The following TMTC2 variants were observed in gnomAD, a reference collection of about 807,000 sequenced individuals.
TMTC2 encodes the protein protein O-mannosyl-transferase TMTC2.
TMTC2 carries 43 observed loss-of-function variants against 82.4 expected under a neutral mutation model. The observed-to-expected ratio is 0.52, with a 90% confidence interval of 0.41 to 0.67. The LOEUF (loss-of-function observed/expected upper bound fraction) is 0.67, where lower values mean the gene tolerates loss of function less well. Among genes scored for constraint, TMTC2 ranks in the 30% least tolerant of loss-of-function variants. The pLI is 0.00. For synonymous variants in TMTC2, 408 were observed against 381.9 expected, an observed-to-expected ratio of 1.07 and a Z score of -0.80; for missense variants, 919 against 1,012.4, an observed-to-expected ratio of 0.91 and a Z score of 1.25.
chr12:82,848,209 A>T (rs1358771382), intron 1 of TMTC2, among the ~76,000 whole-genome samples: 1 of 152,100 alleles, frequency 6.6e-6, no homozygotes, highest in East Asian at 1.9e-4. Flanking sequence ...CTCAAGCTTC[A>T]TTCCATCCAT....
intron 4 of TMTC2, among the ~76,000 whole-genome samples, chr12:82,941,214 G>T (rs974150213): frequency 1.3e-5 from 2 of 152,086 alleles, no homozygotes; most frequent in Non-Finnish European, 2.9e-5. Flanking sequence ...ATCTCACTGT[G>T]TTGCCAGGCT....
intron 8 of TMTC2, among the ~76,000 whole-genome samples, chr12:82,997,340 G>GTATATATATATATA: frequency 6.7e-5 from 2 of 29,770 alleles, no homozygotes; most frequent in Admixed American, 4.8e-4. Context: ...GTGTGTGTGT[G>GTATATATATATATA]TGTGTGTGTA....
intron 2 of TMTC2, among the ~76,000 whole-genome samples, chr12:82,888,128 A>T (rs1334831606): frequency 6.6e-6 from 1 of 152,186 alleles, no homozygotes; most frequent in Non-Finnish European, 1.5e-5. Context: ...TTACACTTTC[A>T]TAAGGCAGAC....
intron 4 of TMTC2, among the ~76,000 whole-genome samples, chr12:82,954,713 A>G (rs1402551993): frequency 2.0e-5 from 3 of 152,178 alleles, no homozygotes; most frequent in Non-Finnish European, 4.4e-5. Flanking sequence ...CTCAGATTTC[A>G]ACCACTTTTT....
chr12:82,984,094 C>G (rs1010254154), intron 7 of TMTC2, among the ~76,000 whole-genome samples: 3 of 149,800 alleles, frequency 2.0e-5, no homozygotes, highest in Non-Finnish European at 4.4e-5. Flanking sequence ...TTAACAACTA[C>G]AAGCATTTTT....
chr12:82,793,860 A>G (rs1592526857), intron 1 of TMTC2, among the ~76,000 whole-genome samples: 1 of 152,296 alleles, frequency 6.6e-6, no homozygotes, highest in East Asian at 1.9e-4. Context: ...AGAGATATAT[A>G]ACCTCTGAAC....
At chr12:82,806,567 T>C (rs910335654) in intron 1 of TMTC2, among the ~76,000 whole-genome samples, 3 of 152,172 alleles carry the variant, frequency 2.0e-5, no homozygotes, top group African/African-American at 7.2e-5. Context: ...AATTTTTGAC[T>C]CCCCAAAAAC....
intron 1 of TMTC2, among the ~76,000 whole-genome samples, chr12:82,727,883 G>C (rs1874545343): frequency 6.6e-6 from 1 of 151,378 alleles, no homozygotes; most frequent in Non-Finnish European, 1.5e-5. Context: ...GGAAATGGCA[G>C]ATTACTAGAT....
chr12:83,129,170 A>C (rs1885186942), intron 11 of TMTC2, among the ~76,000 whole-genome samples: 1 of 152,200 alleles, frequency 6.6e-6, no homozygotes, highest in African/African-American at 2.4e-5. Context: ...TTATAACTGA[A>C]CCTGAAATGT....
chr12:82,887,808 G>GGTGGCTCATGCCTGTA (rs1458325133), intron 2 of TMTC2, among the ~76,000 whole-genome samples: 1 of 152,150 alleles, frequency 6.6e-6, no homozygotes, highest in African/African-American at 2.4e-5. Context: ...GGCCAGATGT[G>GGTGGCTCATGCCTGTA]GTGGCTCATG....
intron 7 of TMTC2, among the ~76,000 whole-genome samples, chr12:82,977,244 T>G (rs1393850199): frequency 6.6e-6 from 1 of 151,918 alleles, no homozygotes; most frequent in East Asian, 1.9e-4. Context: ...TGAAAAGAAT[T>G]TTATCAAAAA....
intron 8 of TMTC2, among the ~76,000 whole-genome samples, chr12:82,997,175 TCCCACCCCTCCCCCTCTCCCTCCCC>T (rs1879659934): frequency 2.6e-5 from 3 of 114,546 alleles, no homozygotes; most frequent in African/African-American, 1.0e-4. Flanking sequence ...TCTCTCTCTC[TCCCACCCCTCCCCCTCTCCCTCCCC>T]CTCTCCCTCT....
chr12:83,067,019 A>G (rs1882943286), intron 11 of TMTC2, among the ~76,000 whole-genome samples: 1 of 151,970 alleles, frequency 6.6e-6, no homozygotes, highest in African/African-American at 2.4e-5. Flanking sequence ...TAACATCAAC[A>G]ATGGAGGGAA....
chr12:82,708,605 A>G (rs1217075503), intron 1 of TMTC2, among the ~76,000 whole-genome samples: 1 of 152,194 alleles, frequency 6.6e-6, no homozygotes, highest in Non-Finnish European at 1.5e-5. Context: ...TGGTCCCATC[A>G]GCCCCTGTCA....
intron 1 of TMTC2, among the ~76,000 whole-genome samples, chr12:82,790,528 T>C (rs1878416977): frequency 6.6e-6 from 1 of 152,034 alleles, no homozygotes; most frequent in Non-Finnish European, 1.5e-5. Flanking sequence ...CTCAATGTGT[T>C]TGAAAAATTT....
chr12:82,716,142 C>T (rs949269723), intron 1 of TMTC2, among the ~76,000 whole-genome samples: 1 of 152,016 alleles, frequency 6.6e-6, no homozygotes, highest in South Asian at 2.1e-4. Context: ...GGGAATTTTT[C>T]GATATATTTT....
At chr12:82,752,792 TAATC>T (rs1385729505) in intron 1 of TMTC2, among the ~76,000 whole-genome samples, 1 of 152,058 alleles carries the variant, frequency 6.6e-6, no homozygotes, top group Non-Finnish European at 1.5e-5. Context: ...ACTTCATAAA[TAATC>T]AAGATTTTTA....
At chr12:83,024,121 A>T (rs1156503566) in intron 8 of TMTC2, among the ~76,000 whole-genome samples, 3 of 152,174 alleles carry the variant, frequency 2.0e-5, no homozygotes, top group African/African-American at 7.2e-5. Flanking sequence ...GCATGTAGAA[A>T]TGATGAGTAT....
At chr12:82,972,797 CAGA>C (rs1878507807) in intron 7 of TMTC2, among the ~76,000 whole-genome samples, 1 of 152,150 alleles carries the variant, frequency 6.6e-6, no homozygotes, top group Non-Finnish European at 1.5e-5. Flanking sequence ...GTTCAGTCAG[CAGA>C]AGGAGCATAA....
Sources: gnomAD v4.1 joint callset for allele counts (sites outside exome capture counted in the v4.1 genomes callset) on GRCh38, gnomAD v4.1.1 for gene constraint, MANE v1.5 for transcripts, NCBI Gene and HGNC (gene_info 2026-07-23, HGNC 2026-07-21) for gene names.